PAK1: variants seen among roughly 807,000 people sequenced by gnomAD.
PAK1 encodes p21 (RAC1) activated kinase 1.
Under a neutral mutation model 67.4 loss-of-function variants are expected in PAK1, and 29 were observed. The observed-to-expected ratio is 0.43, with a 90% CI of 0.32 to 0.59. PAK1 has a LOEUF of 0.59. Among genes scored for constraint, PAK1 ranks in the 20% least tolerant of loss-of-function variants. PAK1 has a pLI of 0.07. For synonymous variants in PAK1, 223 were observed against 237.4 expected (o/e 0.94, Z 0.56); for missense variants, 337 against 670.7 (o/e 0.50, Z 5.50).
intron 1 of PAK1, among the ~76,000 whole-genome samples, chr11:77,401,556 TC>T (rs1047428357): frequency 1.3e-5 from 2 of 152,204 alleles, no homozygotes; most frequent in African/African-American, 4.8e-5. Context: ...ATTTGTTCTT[TC>T]CCCCACCTAT....
chr11:77,323,402 C>T (rs1327106454), intron 14 of PAK1, 42 bp from the exon 15 acceptor site: 7 of 1,255,522 alleles, frequency 5.6e-6, no homozygotes, highest in East Asian at 2.3e-5. Context: ...GACTATTTAA[C>T]ATTCTTCCCC....
At chr11:77,493,758 C>T in the PAK1 span, among the ~76,000 whole-genome samples, 1 of 152,092 alleles carries the variant, frequency 6.6e-6, no homozygotes, top group Non-Finnish European at 1.5e-5. Context: ...AGGTATTACT[C>T]TCTCCTTTTC....
chr11:77,355,930 A>C (rs921089538), intron 6 of PAK1, 88 bp from the exon 7 acceptor site: 2 of 772,826 alleles, frequency 2.6e-6, no homozygotes, highest in African/African-American at 3.5e-5. Context: ...ACATCCACAG[A>C]GCAAACCCCA....
intron 1 of PAK1, among the ~76,000 whole-genome samples, chr11:77,405,952 A>G (rs1462920654): frequency 2.0e-5 from 3 of 152,178 alleles, no homozygotes; most frequent in Non-Finnish European, 1.5e-5. Flanking sequence ...TGGCAGCATT[A>G]AACGCAATTG....
rs1054184082 is a variant in PAK1, at chr11:77,335,107, A to G, written c.1413+979T>C. 2.0e-5 allele frequency among the ~76,000 whole-genome samples: 3 copies of G among 152,272 alleles called. No homozygotes were observed. The South Asian group carries it at 6.2e-4, about 32-fold the overall frequency. On this transcript the variant is annotated intron_variant, in intron 13 of 14. Coordinates refer to ENST00000356341, the MANE Select transcript of PAK1 (RefSeq NM_002576.5). ...ACACTTCTCTGTTCTCTCACACTAG[A>G]AAGGCCACTCCTTGGTCTACTTTGC...
At chr11:77,325,502 A>G (rs1939584932) in intron 14 of PAK1, 2 of 929,748 alleles carry the variant, frequency 2.2e-6, no homozygotes, top group Non-Finnish European at 3.1e-6. Flanking sequence ...AATATAACCC[A>G]TTTATTACTA....
upstream of PAK1, among the ~76,000 whole-genome samples, chr11:77,477,685 C>G: frequency 6.6e-6 from 1 of 151,938 alleles, no homozygotes; most frequent in Admixed American, 6.6e-5. Context: ...CCCCGGAGGT[C>G]AAGGCCACAG....
At chr11:77,477,005 A>G (rs1487365397), upstream of PAK1, 2 of 152,192 alleles carry the variant, frequency 1.3e-5, no homozygotes, top group Non-Finnish European at 2.9e-5. Flanking sequence ...AAAAAATAAA[A>G]ATAAATGTGT....
In PAK1 at chr11:77,388,269, C is replaced by G. The variant is rs144084044; in HGVS notation, c.190+4062G>C. ...CATTGAATAAAGTACTTTACAATGG[C>G]CTAGTTTCTTTTCACCTATATAGAC... On this transcript the variant is annotated intron_variant, in intron 2 of 14. Transcript: ENST00000356341. 3.9e-5 allele frequency among the ~76,000 whole-genome samples: 6 copies of G among 152,318 alleles called. No homozygotes were observed. The East Asian group carries it at 1.2e-3, about 29-fold the overall frequency.
At chr11:77,434,108 A>T (rs756691902) in intron 1 of PAK1, among the ~76,000 whole-genome samples, 2 of 152,254 alleles carry the variant, frequency 1.3e-5, no homozygotes, top group Non-Finnish European at 2.9e-5. Flanking sequence ...ACATAGAGTT[A>T]GCACATGACC....
intron 1 of PAK1, among the ~76,000 whole-genome samples, chr11:77,405,428 T>C (rs1326572131): frequency 6.6e-6 from 1 of 152,062 alleles, no homozygotes; most frequent in Admixed American, 6.5e-5. Context: ...TAGGGAGTTA[T>C]TGCAATAATC....
At chr11:77,377,534 G>A (rs1000815757) in intron 4 of PAK1, among the ~76,000 whole-genome samples, 3 of 152,112 alleles carry the variant, frequency 2.0e-5, no homozygotes, top group African/African-American at 4.8e-5. Context: ...GTGCATGCAT[G>A]AATGAACATA....
the PAK1 span, among the ~76,000 whole-genome samples, chr11:77,521,562 T>A: frequency 3.4e-3 from 506 of 150,752 alleles, 2 homozygotes; most frequent in African/African-American, 0.012. Context: ...AGGCGGGTGG[T>A]GCATGTACTC....
At chr11:77,441,958 C>T (rs150019723) in intron 1 of PAK1, among the ~76,000 whole-genome samples, 2 of 152,256 alleles carry the variant, frequency 1.3e-5, no homozygotes, top group African/African-American at 4.8e-5. Flanking sequence ...GTAAAACAGG[C>T]ATGGTTGTGT....
upstream of PAK1, chr11:77,474,760 G>A (rs904626110): frequency 2.0e-4 from 30 of 152,162 alleles, no homozygotes; most frequent in African/African-American, 7.0e-4. Context: ...AAAAGAATGG[G>A]CTTCCTTTCA....
At chr11:77,351,877 C>T (rs1330094638) in intron 8 of PAK1, among the ~76,000 whole-genome samples, 2 of 137,958 alleles carry the variant, frequency 1.4e-5, no homozygotes, top group African/African-American at 2.9e-5. Context: ...CTTTAGAAAT[C>T]TCATTTTTTT....
At chr11:77,433,721 G>A (rs1955973013) in intron 1 of PAK1, among the ~76,000 whole-genome samples, 1 of 152,212 alleles carries the variant, frequency 6.6e-6, no homozygotes, top group African/African-American at 2.4e-5. Context: ...AGAGGTTGCA[G>A]TGAGTCAAGA....
intron 9 of PAK1, 131 bp downstream of exon 9, chr11:77,349,108 G>C: frequency 1.6e-6 from 1 of 633,144 alleles, no homozygotes; most frequent in Non-Finnish European, 2.7e-6. Context: ...CTGGATGACA[G>C]AGTGAGACCC....
chr11:77,339,100 GAGA>G (rs1047066478), intron 11 of PAK1, among the ~76,000 whole-genome samples: 10 of 152,118 alleles, frequency 6.6e-5, no homozygotes, highest in Middle Eastern at 3.4e-3. Flanking sequence ...TTTTTAAAAG[GAGA>G]AGATGATCTC....
Sources: allele counts gnomAD v4.1 joint callset (sites outside exome capture counted in the v4.1 genomes callset), GRCh38; gene constraint gnomAD v4.1.1; transcripts MANE v1.5; gene names NCBI Gene and HGNC (gene_info 2026-07-23, HGNC 2026-07-21).